Variants in ZBTB20 observed in about 807,000 individuals in gnomAD.
ZBTB20 encodes zinc finger and BTB domain-containing protein 20.
In ZBTB20, 9 loss-of-function variants were observed where a neutral mutation model predicts 56.9. The ratio of observed to expected loss-of-function variants is 0.16; its 90% CI spans 0.10 to 0.28. The LOEUF is 0.28. Ranked by LOEUF, ZBTB20 falls within the 10% of genes least tolerant of loss-of-function variation. The pLI is 1.00. For missense variants in ZBTB20, 655 were observed against 1,003.0 expected (o/e 0.65, Z 4.69); for synonymous variants, 417 against 420.7 (o/e 0.99, Z 0.11).
At chr3:114,642,167 G>C (rs1260674477) in intron 6 of ZBTB20, among the ~76,000 whole-genome samples, 5 of 152,004 alleles carry the variant, frequency 3.3e-5, no homozygotes, top group African/African-American at 4.8e-5. Flanking sequence ...TGGCTGACAA[G>C]AGACTAAAGA....
chr3:114,684,301 AT>A (rs1560124163), intron 6 of ZBTB20, among the ~76,000 whole-genome samples: 4 of 152,066 alleles, frequency 2.6e-5, no homozygotes. Flanking sequence ...ATGCTGACGC[AT>A]TTTTGCAGCA....
chr3:114,335,044 G>A lies in ZBTB20; in HGVS notation c.*3961C>T, dbSNP rs1381616291. ...ATAAGGAAAAATTGCCCATGATGCT[G>A]AGATAATACCAGTGTTTTTAGTGGT... is the stretch of plus-strand genomic sequence containing the variant. On this transcript the variant is annotated 3_prime_UTR_variant, in exon 12 of 12. Transcript: ENST00000675478. The A allele has an allele frequency of 6.6e-6, 1 of 152,056 alleles. No individual in the cohort carries two copies. The highest frequency in any genetic ancestry group is 2.4e-5 in the African/African-American group (1 of 41,394). The allele number at this position is 152,056 out of a possible 1,614,324, so 9.4% of individuals were successfully genotyped here.
chr3:115,146,933 G>C (rs1465872632), intron 1 of ZBTB20, among the ~76,000 whole-genome samples: 4 of 150,790 alleles, frequency 2.7e-5, no homozygotes, highest in Non-Finnish European at 5.9e-5. Context: ...CCACCTCCCC[G>C]CCGGGTCGGG....
At chr3:114,462,331 T>C (rs1279886798) in intron 7 of ZBTB20, among the ~76,000 whole-genome samples, 1 of 152,148 alleles carries the variant, frequency 6.6e-6, no homozygotes, top group African/African-American at 2.4e-5. Flanking sequence ...GAATGGAGGA[T>C]CTGCTGGCAT....
intron 5 of ZBTB20, among the ~76,000 whole-genome samples, chr3:114,700,213 T>G (rs1331141091): frequency 1.3e-5 from 2 of 152,100 alleles, no homozygotes; most frequent in East Asian, 3.9e-4. Flanking sequence ...ATATTCTTCC[T>G]TCTCTCTCTC....
chr3:114,954,194 T>C (rs1163542620), intron 3 of ZBTB20, among the ~76,000 whole-genome samples: 1 of 152,194 alleles, frequency 6.6e-6, no homozygotes, highest in Non-Finnish European at 1.5e-5. Flanking sequence ...GAATATTTGC[T>C]TTAAATATTT....
At position 114,426,337 on chromosome 3, in the gene ZBTB20, C is replaced by CA. The variant is rs60778829; in HGVS notation, c.-254-37233dup. Among the ~76,000 whole-genome samples, 119 of 109,492 alleles carry CA rather than the reference C, an allele frequency of 1.1e-3. 2 individuals are homozygous for CA. The highest frequency in any genetic ancestry group is 4.9e-3 in the African/African-American group (113 of 23,190). The allele number at this position is 109,492 out of a possible 152,430, so 71.8% of individuals were successfully genotyped here. ...TGGGTGACAGAGCAAGACTCCATCT[C>CA]AAAAAAAAAAAAAAAAAAAAAAAAA... On this transcript the variant is annotated intron_variant, in intron 7 of 11. Coordinates refer to ENST00000675478, the MANE Select transcript of ZBTB20 (RefSeq NM_001348800.3).
At chr3:114,437,477 G>C (rs1291047723) in intron 7 of ZBTB20, among the ~76,000 whole-genome samples, 1 of 152,086 alleles carries the variant, frequency 6.6e-6, no homozygotes, top group Non-Finnish European at 1.5e-5. Flanking sequence ...ATGTGTGAAA[G>C]TAAGGGCAAA....
At chr3:115,102,493 T>C (rs1457211382) in intron 1 of ZBTB20, 1 of 152,132 alleles carries the variant, frequency 6.6e-6, no homozygotes, top group Non-Finnish European at 1.5e-5. Flanking sequence ...ATATTTGTAT[T>C]TTCTGAATTT....
intron 6 of ZBTB20, among the ~76,000 whole-genome samples, chr3:114,580,374 A>G (rs2054525897): frequency 6.6e-6 from 1 of 151,718 alleles, no homozygotes; most frequent in Non-Finnish European, 1.5e-5. Flanking sequence ...TAATACAATA[A>G]TTTCGATTTC....
intron 4 of ZBTB20, among the ~76,000 whole-genome samples, chr3:114,824,822 A>T (rs2073439538): frequency 6.6e-6 from 1 of 151,824 alleles, no homozygotes; most frequent in South Asian, 2.1e-4. Context: ...AACCATAAAA[A>T]CTACCACTTT....
intron 6 of ZBTB20, among the ~76,000 whole-genome samples, chr3:114,502,141 T>C (rs1295534518): frequency 2.0e-5 from 3 of 152,110 alleles, no homozygotes; most frequent in Non-Finnish European, 4.4e-5. Context: ...CTTAAATATA[T>C]CAAGAATTTA....
At chr3:115,083,516 A>G (rs2082870770) in intron 1 of ZBTB20, among the ~76,000 whole-genome samples, 1 of 152,086 alleles carries the variant, frequency 6.6e-6, no homozygotes, top group African/African-American at 2.4e-5. Flanking sequence ...ACAAAGGTGA[A>G]TAATAAAACT....
chr3:114,785,288 T>C (rs933600090), intron 5 of ZBTB20, among the ~76,000 whole-genome samples: 2 of 152,160 alleles, frequency 1.3e-5, no homozygotes, highest in African/African-American at 4.8e-5. Context: ...AATTATATAA[T>C]TGGAGAGAAA....
At chr3:114,431,339 A>C (rs2090103553) in intron 7 of ZBTB20, among the ~76,000 whole-genome samples, 1 of 152,138 alleles carries the variant, frequency 6.6e-6, no homozygotes, top group African/African-American at 2.4e-5. Context: ...AAAGAAGAAA[A>C]ACTCTGGAAG....
chr3:114,415,341 T>G (rs1360313651), intron 7 of ZBTB20, among the ~76,000 whole-genome samples: 17 of 152,108 alleles, frequency 1.1e-4, no homozygotes, highest in Admixed American at 1.1e-3. Flanking sequence ...AAGGGGCATA[T>G]AGGGATGGAA....
At chr3:114,673,459 G>A (rs926783031) in intron 6 of ZBTB20, among the ~76,000 whole-genome samples, 1 of 152,082 alleles carries the variant, frequency 6.6e-6, no homozygotes, top group Non-Finnish European at 1.5e-5. Context: ...CTATTTAACT[G>A]ATCAGTGAAT....
chr3:114,624,356 A>AAC (rs1444212014), intron 6 of ZBTB20: 7 of 144,476 alleles, frequency 4.8e-5, no homozygotes, highest in Non-Finnish European at 9.2e-5. Context: ...CAGTAAGAGA[A>AAC]ACAAAAAAAA....
At chr3:114,441,071 C>T (rs746688985) in intron 7 of ZBTB20, among the ~76,000 whole-genome samples, 7 of 151,966 alleles carry the variant, frequency 4.6e-5, no homozygotes, top group East Asian at 1.9e-4. Flanking sequence ...TCTCTTTTGT[C>T]GATTATTTGT....
Sources: gnomAD v4.1 joint callset for allele counts (sites outside exome capture counted in the v4.1 genomes callset) on GRCh38, gnomAD v4.1.1 for gene constraint, MANE v1.5 for transcripts, NCBI Gene and HGNC (gene_info 2026-07-23, HGNC 2026-07-21) for gene names.